TPO: variants seen among roughly 807,000 people sequenced by gnomAD.
The protein encoded by TPO is thyroid peroxidase, also known as thyroid microsomal antigen.
Under a neutral mutation model 96.9 loss-of-function variants are expected in TPO, and 78 were observed. That is an observed-to-expected ratio of 0.81 (90% CI 0.67 to 0.97). TPO has a LOEUF of 0.97. Ranked by LOEUF, TPO falls within the 50% of genes least tolerant of loss-of-function variation. The pLI is 0.00. For synonymous variants in TPO, 547 were observed against 538.0 expected (o/e 1.02, Z -0.23); for missense variants, 1,252 against 1,274.8 (o/e 0.98, Z 0.27).
chr2:1,489,760 G>A lies in TPO; in HGVS notation c.1768+1769G>A, dbSNP rs115970091. 3.0e-3 allele frequency among the ~76,000 whole-genome samples: 455 copies of A among 152,352 alleles called. 1 individual carries two copies. Among genetic ancestry groups the A allele is most frequent in the Non-Finnish European group, 4.2e-3 (283 of 68,032 alleles). Reference sequence around the variant, plus strand: ...CAGGAGTAAGACCAGCGCACAGCCCGACTTGTGTTCAGAAGACCTGGGATT... The same window carrying A: ...CAGGAGTAAGACCAGCGCACAGCCCAACTTGTGTTCAGAAGACCTGGGATT... On this transcript the variant is annotated intron_variant, in intron 10 of 16. Transcript: ENST00000329066.
At chr2:1,540,892 G>A (rs773021938) in intron 16 of TPO, 169 bp downstream of exon 16, 6 of 1,546,668 alleles carry the variant, frequency 3.9e-6, no homozygotes, top group African/African-American at 2.7e-5. Context: ...TAATGACAGT[G>A]AGCCAGAATG....
At chr2:1,419,201 G>A (rs888548622) in intron 2 of TPO, among the ~76,000 whole-genome samples, 2 of 152,138 alleles carry the variant, frequency 1.3e-5, no homozygotes, top group African/African-American at 2.4e-5. Flanking sequence ...AGAGAGCAGC[G>A]GGCGGCTTCT....
intron 8 of TPO, chr2:1,478,331 CGT>C (rs1448629806): frequency 7.1e-6 from 7 of 985,310 alleles, no homozygotes; most frequent in Non-Finnish European, 8.4e-6. Flanking sequence ...TGCGAGTCAC[CGT>C]GTGTGTCTGT....
chr2:1,515,714 C>T (rs1286693303), intron 14 of TPO, among the ~76,000 whole-genome samples: 1 of 151,952 alleles, frequency 6.6e-6, no homozygotes, highest in Non-Finnish European at 1.5e-5. Flanking sequence ...CACAGGGAAC[C>T]GCAGTCACCC....
At position 1,491,635 on chromosome 2, in the gene TPO, C is replaced by T. The variant is rs570422729; in HGVS notation, c.1769-2167C>T. 2.0e-5 allele frequency among the ~76,000 whole-genome samples: 3 copies of T among 152,282 alleles called. No individual in the cohort carries two copies. In the East Asian group the frequency reaches 5.8e-4, roughly 29 times the overall value. ...TATTTAATGAAATAACTGCTGTGTC[C>T]CCCAAGCCCTGTGGCAAGCAATGGG... On this transcript the variant is annotated intron_variant, in intron 10 of 16. Coordinates refer to ENST00000329066, the MANE Select transcript of TPO (RefSeq NM_001206744.2).
chr2:1,426,454 G>A (rs989395217), intron 3 of TPO, among the ~76,000 whole-genome samples: 1 of 151,610 alleles, frequency 6.6e-6, no homozygotes, highest in African/African-American at 2.4e-5. Flanking sequence ...TAAAGTCGTT[G>A]TTCTAGATGC....
rs1469337859 is a variant in TPO at position 1,525,478 on chromosome 2, C to T, written c.2618+8496C>T. 3.4e-5 allele frequency among the ~76,000 whole-genome samples: 3 copies of T among 88,846 alleles called. No individual in the cohort carries two copies. In the South Asian group the frequency reaches 1.4e-3, roughly 43 times the overall value. 58.3% of individuals were successfully genotyped at this position (88,846 alleles called of 152,430 possible). ...TTGCAACACCCCCAAATTTCCCCCA[C>T]TGTGAGCAAACCCCCAAAACCCCCA... On this transcript the variant is annotated intron_variant, in intron 15 of 16. Coordinates refer to ENST00000329066, the MANE Select transcript of TPO (RefSeq NM_001206744.2).
chr2:1,457,690 G>A (rs865894798), intron 7 of TPO, among the ~76,000 whole-genome samples: 6 of 151,966 alleles, frequency 3.9e-5, no homozygotes, highest in African/African-American at 1.2e-4. Flanking sequence ...TAGTGTGTGG[G>A]CAGATGTGTA....
intron 15 of TPO, among the ~76,000 whole-genome samples, chr2:1,534,582 CCA>C (rs1679125027): frequency 1.2e-5 from 1 of 81,796 alleles, no homozygotes; most frequent in South Asian, 5.9e-4. Flanking sequence ...CCAAATCCGC[CCA>C]CACTGTGCAA....
At chr2:1,422,804 A>G (rs1157651409) in intron 2 of TPO, among the ~76,000 whole-genome samples, 2 of 152,228 alleles carry the variant, frequency 1.3e-5, no homozygotes, top group African/African-American at 4.8e-5. Context: ...CAAGTGCGAA[A>G]TTAAGGTGAG....
At chr2:1,377,283 A>C (rs1323780425) in intron 1 of TPO, among the ~76,000 whole-genome samples, 1 of 152,212 alleles carries the variant, frequency 6.6e-6, no homozygotes, top group African/African-American at 2.4e-5. Context: ...ATGCATTGGA[A>C]TACGGTCTTT....
At chr2:1,474,881 GTTAA>G (rs1669754419) in intron 7 of TPO, among the ~76,000 whole-genome samples, 1 of 152,168 alleles carries the variant, frequency 6.6e-6, no homozygotes. Context: ...TTTATTCATA[GTTAA>G]TTATTTTAAC....
intron 1 of TPO, among the ~76,000 whole-genome samples, chr2:1,390,445 T>C (rs569249528): frequency 6.6e-6 from 1 of 152,302 alleles, no homozygotes; most frequent in East Asian, 1.9e-4. Flanking sequence ...GACATTCGGG[T>C]TGGTTCCAAG....
At chr2:1,415,926 T>TA (rs773684742) in intron 2 of TPO, among the ~76,000 whole-genome samples, 18 of 152,050 alleles carry the variant, frequency 1.2e-4, no homozygotes, top group African/African-American at 4.1e-4. Flanking sequence ...GTAGGCTCCT[T>TA]AAAAAAACTC....
chr2:1,374,401 T>C (rs1019003213), exon 1 of TPO: 1 of 152,226 alleles, frequency 6.6e-6, no homozygotes, highest in Non-Finnish European at 1.5e-5. Context: ...ACCGTCCACC[T>C]GGTAGGATCT....
At chr2:1,540,487 G>C (rs558185538) in intron 15 of TPO, 107 bp from the exon 16 acceptor site, 1 of 1,596,910 alleles carries the variant, frequency 6.3e-7, no homozygotes, top group African/African-American at 1.3e-5. Flanking sequence ...GAGTGTTCCT[G>C]CCAAAGACAA....
chr2:1,389,927 A>G (rs1023223116), intron 1 of TPO, among the ~76,000 whole-genome samples: 3 of 151,902 alleles, frequency 2.0e-5, no homozygotes, highest in African/African-American at 4.8e-5. Flanking sequence ...GTCTTTTCCA[A>G]TAAGCCACCT....
In TPO at chr2:1,423,079, G is replaced by A. The variant is rs1351592394; in HGVS notation, c.129G>A (p.Leu43=). ...KPEESRVSSV[L]EESKRLVDTA... is the part of the protein sequence containing the mutation. ...AGGAGTCTCGTGTCTCTAGCGTCTT[G>A]GAGGAAAGCAAGCGCCTGGTGGACA... The change falls in exon 3 of 17, where the codon TTG becomes TTA. Residue 43 remains leucine, a synonymous_variant. Coordinates refer to ENST00000329066, the MANE Select transcript of TPO (RefSeq NM_001206744.2). 6.2e-7 allele frequency: 1 copy of A among 1,614,188 alleles called. No individual in the cohort carries two copies. The highest frequency in any genetic ancestry group is 8.5e-7 in the Non-Finnish European group (1 of 1,180,034).
At chr2:1,494,469 TC>T (rs1672131373) in intron 11 of TPO, among the ~76,000 whole-genome samples, 1 of 152,196 alleles carries the variant, frequency 6.6e-6, no homozygotes, top group South Asian at 2.1e-4. Flanking sequence ...GGACAGGACT[TC>T]CCGGCCCCCC....
Sources: allele counts gnomAD v4.1 joint callset (sites outside exome capture counted in the v4.1 genomes callset), GRCh38; gene constraint gnomAD v4.1.1; transcripts MANE v1.5; gene names NCBI Gene and HGNC (gene_info 2026-07-23, HGNC 2026-07-21).